The following FAF2 variants were observed in gnomAD, a reference collection of about 807,000 sequenced individuals.
FAF2 encodes the protein FAS-associated factor 2.
In FAF2, 9 loss-of-function variants were observed where a neutral mutation model predicts 62.3. The ratio of observed to expected loss-of-function variants is 0.14; its 90% CI spans 0.09 to 0.25. FAF2 has a LOEUF of 0.25. FAF2 is among the 10% of genes least tolerant of loss of function. FAF2 has a pLI of 1.00. For synonymous variants in FAF2, 202 were observed against 198.0 expected (o/e 1.02, Z -0.17); for missense variants, 368 against 556.2 (o/e 0.66, Z 3.40).
chr5:176,468,293 A>G (rs1246855752), intron 1 of FAF2, among the ~76,000 whole-genome samples: 3 of 152,086 alleles, frequency 2.0e-5, no homozygotes, highest in Non-Finnish European at 4.4e-5. Context: ...GGAGTATAGA[A>G]GTAAATAGAG....
intron 1 of FAF2, among the ~76,000 whole-genome samples, chr5:176,471,375 CTTTTTTTTT>C (rs138149987): frequency 3.1e-5 from 3 of 97,620 alleles, no homozygotes; most frequent in Non-Finnish European, 2.0e-5. Flanking sequence ...TCTGTACATT[CTTTTTTTTT>C]TTTTTTTTTT....
In FAF2 at chr5:176,506,201, A is replaced by C. The variant is rs563063973; in HGVS notation, c.1156-567A>C. 2.7e-5 allele frequency among the ~76,000 whole-genome samples: 4 copies of C among 149,134 alleles called. No individual in the cohort carries two copies. The East Asian group carries it at 8.0e-4, about 30-fold the overall frequency. On this transcript the variant is annotated intron_variant, in intron 10 of 10. Transcript: ENST00000261942. ...CAGAGCGAGACTCTCTCAAAAAAAA[A>C]AAAAACAAAAAAAAAAAACTGGATC...
chr5:176,478,101 G>T (rs189379648), intron 1 of FAF2, among the ~76,000 whole-genome samples: 45 of 152,328 alleles, frequency 3.0e-4, no homozygotes, highest in African/African-American at 1.1e-3. Flanking sequence ...GAATGCTAGA[G>T]TTTAGCTCTG....
intron 1 of FAF2, among the ~76,000 whole-genome samples, chr5:176,476,553 G>A (rs1475521636): frequency 2.6e-5 from 4 of 151,490 alleles, no homozygotes; most frequent in Non-Finnish European, 5.9e-5. Flanking sequence ...CATAAGAGAC[G>A]TAGAAAACAA....
At chr5:176,469,231 C>T (rs746936759) in intron 1 of FAF2, among the ~76,000 whole-genome samples, 9 of 151,950 alleles carry the variant, frequency 5.9e-5, no homozygotes, top group Admixed American at 2.0e-4. Flanking sequence ...GGCGACAGAG[C>T]GAGACTCCAT....
chr5:176,456,351 C>T (rs764917006), intron 1 of FAF2, among the ~76,000 whole-genome samples: 4 of 152,066 alleles, frequency 2.6e-5, no homozygotes, highest in Non-Finnish European at 5.9e-5. Context: ...GGATTACAGG[C>T]GTGAGCCACC....
Position 176,479,223 on chromosome 5 carries a change from C to G in FAF2, c.99C>G (p.Arg33=). The change falls in exon 2 of 11, where the codon CGC becomes CGG. Residue 33 remains arginine (R), a synonymous_variant. Transcript: ENST00000261942. The part of the protein sequence containing the change: ...LTGIESMDQC[R]HTLEQHNWNI... ...GCATCGAATCTATGGATCAGTGTCG[C>G]CATACCTTGGAACAGCATAACTGGA... 1 of 1,613,978 alleles carries G rather than the reference C, an allele frequency of 6.2e-7. No homozygotes were observed.
intron 1 of FAF2, among the ~76,000 whole-genome samples, chr5:176,465,486 AC>A (rs1758451710): frequency 6.7e-6 from 1 of 149,280 alleles, no homozygotes; most frequent in Non-Finnish European, 1.5e-5. Flanking sequence ...TCCTGCTTCA[AC>A]CTCTTGAGTA....
intron 1 of FAF2, among the ~76,000 whole-genome samples, chr5:176,460,513 CGTGTGTGTGTGTGTGTGTGTGTGT>C (rs747582699): frequency 7.5e-6 from 1 of 132,626 alleles, no homozygotes; most frequent in Non-Finnish European, 1.6e-5. Flanking sequence ...TTTTTGGCCG[CGTGTGTGTGTGTGTGTGTGTGTGT>C]GTGTGTGTGT....
chr5:176,508,853 TCCTC>T lies in FAF2; in HGVS notation c.*1906_*1909del, dbSNP rs1455226858. On this transcript the variant is annotated 3_prime_UTR_variant, in exon 11 of 11. Coordinates refer to ENST00000261942, the MANE Select transcript of FAF2 (RefSeq NM_014613.3). ...AATTTTTCCACTTAAGTCAGAGCCT[TCCTC>T]CCCATCTGGAATTCACAGCTGTTCC... 1 of 152,186 alleles carries T rather than the reference TCCTC, an allele frequency of 6.6e-6. No homozygotes were observed. Among genetic ancestry groups the T allele is most frequent in the Non-Finnish European group, 1.5e-5 (1 of 68,054 alleles). 9.4% of individuals were successfully genotyped at this position (152,186 alleles called of 1,614,324 possible). A position where few individuals can be genotyped will look rare whatever the true frequency, so the allele number is the denominator to read the frequency against.
intron 2 of FAF2, among the ~76,000 whole-genome samples, chr5:176,482,039 G>T (rs938980144): frequency 2.0e-5 from 3 of 152,068 alleles, no homozygotes; most frequent in Admixed American, 6.6e-5. Context: ...TTGTCTTCTA[G>T]ATCATACTCA....
intron 1 of FAF2, among the ~76,000 whole-genome samples, chr5:176,455,010 AAG>A (rs1255304296): frequency 1.3e-5 from 2 of 152,222 alleles, no homozygotes; most frequent in African/African-American, 4.8e-5. Context: ...CCAGTGCAAA[AAG>A]AGTTTTCATC....
chr5:176,486,517 C>A, intron 3 of FAF2, 28 bp downstream of exon 3: 1 of 1,612,048 alleles, frequency 6.2e-7, no homozygotes, highest in Non-Finnish European at 8.5e-7. Flanking sequence ...TGGGATTTCC[C>A]CCTTTTTTAT....
At chr5:176,480,652 A>G (rs937894348) in intron 2 of FAF2, among the ~76,000 whole-genome samples, 4 of 151,956 alleles carry the variant, frequency 2.6e-5, no homozygotes, top group African/African-American at 9.7e-5. Context: ...GGCTCAAGCA[A>G]TCCTCCTGCC....
chr5:176,451,315 G>A (rs1581465296), intron 1 of FAF2, among the ~76,000 whole-genome samples: 2 of 152,178 alleles, frequency 1.3e-5, no homozygotes, highest in Admixed American at 6.6e-5. Flanking sequence ...AGGTTGCAGT[G>A]AGCCAAGATC....
In FAF2 at chr5:176,508,115, G is replaced by A. The variant is rs961547955; in HGVS notation, c.*1165G>A. The A allele has an allele frequency of 3.3e-5, 5 of 152,588 alleles. No individual in the cohort carries two copies. The highest frequency in any genetic ancestry group is 7.3e-5 in the Non-Finnish European group (5 of 68,052). 9.5% of individuals were successfully genotyped at this position (152,588 alleles called of 1,614,324 possible). ...GAACTCCCAGCCTGTGTAATCTATTGGAAGGCACATTTTCATTTCTGATGC... is the reference window on the plus strand; with the variant it reads ...GAACTCCCAGCCTGTGTAATCTATTAGAAGGCACATTTTCATTTCTGATGC... On this transcript the variant is annotated 3_prime_UTR_variant, in exon 11 of 11. Transcript: ENST00000261942.
At chr5:176,496,796 G>A in intron 8 of FAF2, 133 bp downstream of exon 8, 1 of 606,408 alleles carries the variant, frequency 1.6e-6, no homozygotes, top group Non-Finnish European at 2.6e-6. Flanking sequence ...CCCATTTATT[G>A]TCAAAATATT....
chr5:176,457,915 G>A (rs1758304564), intron 1 of FAF2, among the ~76,000 whole-genome samples: 1 of 152,176 alleles, frequency 6.6e-6, no homozygotes, highest in African/African-American at 2.4e-5. Flanking sequence ...ACAGTCCTTA[G>A]TTAACCCTCT....
intron 1 of FAF2, among the ~76,000 whole-genome samples, chr5:176,449,094 GTGCTTAACTA>G (rs1758120935): frequency 6.6e-6 from 1 of 152,190 alleles, no homozygotes; most frequent in Non-Finnish European, 1.5e-5. Flanking sequence ...CTGGATTCCT[GTGCTTAACTA>G]TGCTTGAGGA....
Sources: gnomAD v4.1 joint callset for allele counts (sites outside exome capture counted in the v4.1 genomes callset) on GRCh38, gnomAD v4.1.1 for gene constraint, MANE v1.5 for transcripts, NCBI Gene and HGNC (gene_info 2026-07-23, HGNC 2026-07-21) for gene names.